The following TRPC7 variants were observed in gnomAD, a reference collection of about 807,000 sequenced individuals.
TRPC7 encodes short transient receptor potential channel 7.
In TRPC7, 42 loss-of-function variants were observed where a neutral mutation model predicts 90.1. The observed-to-expected ratio is 0.47, with a 90% confidence interval of 0.36 to 0.60. The LOEUF (loss-of-function observed/expected upper bound fraction) is 0.60. TRPC7 is among the 20% of genes least tolerant of loss of function. The pLI is 0.00. For synonymous variants in TRPC7, 451 were observed against 436.3 expected, an observed-to-expected ratio of 1.03 and a Z score of -0.42; for missense variants, 955 against 1,112.3, an observed-to-expected ratio of 0.86 and a Z score of 2.01.
intron 3 of TRPC7, among the ~76,000 whole-genome samples, chr5:136,310,787 C>G (rs1254265697): frequency 3.3e-5 from 5 of 152,086 alleles, no homozygotes; most frequent in African/African-American, 9.7e-5. Flanking sequence ...TATGAGACAC[C>G]TGTCCCATTT....
In TRPC7 at chr5:136,315,656, C is replaced by A. The variant is rs778454416; in HGVS notation, c.904G>T (p.Asp302Tyr). Residue 302 changes from aspartate (D) to tyrosine (Y), a missense_variant, in exon 3 of 12, where the codon GAC becomes TAC. By Grantham distance (160) the Asp-to-Tyr change is radical. Around this residue, in one of 4 missense-constraint regions of TRPC7, gnomAD observed 484 missense variants for 509.6 expected, o/e 0.95. Transcript: ENST00000513104. ...CGGCTCAGACTTGGACGGTGGTGGT[C>A]GGACCAGACTTGGAAGTTCACATCA... ...NGDVNFQVWS[D>Y]HHRPSLSRIK... 3.1e-6 allele frequency: 5 copies of A among 1,613,840 alleles called. No homozygotes were observed. The highest frequency in any genetic ancestry group is 4.2e-6 in the Non-Finnish European group (5 of 1,179,866).
chr5:136,360,609 T>G (rs1172891380), intron 1 of TRPC7, among the ~76,000 whole-genome samples: 1 of 152,206 alleles, frequency 6.6e-6, no homozygotes, highest in East Asian at 1.9e-4. Flanking sequence ...TCGCAGCCTT[T>G]AAAACCTCAG....
chr5:136,304,303 C>T (rs934192628), intron 3 of TRPC7, among the ~76,000 whole-genome samples: 2 of 152,104 alleles, frequency 1.3e-5, no homozygotes, highest in African/African-American at 4.8e-5. Context: ...TGCCAAGATC[C>T]CATCCCACAG....
chr5:136,332,909 T>C (rs1326444207), intron 2 of TRPC7, among the ~76,000 whole-genome samples: 2 of 152,168 alleles, frequency 1.3e-5, no homozygotes, highest in African/African-American at 4.8e-5. Context: ...GTTCTAAGCC[T>C]AGGTATTAAG....
rs148889749 is a variant in TRPC7, at chr5:136,255,315, T to C, written c.1346-3433A>G. On this transcript the variant is annotated intron_variant, in intron 5 of 11. Coordinates refer to ENST00000513104, the MANE Select transcript of TRPC7 (RefSeq NM_020389.3). ...AAGTTAATTGATGCAGTAAACTTTA[T>C]TGTCTTAAGAAATTGCCACGGCCAC... 6.0e-3 allele frequency among the ~76,000 whole-genome samples: 915 copies of C among 152,332 alleles called. 9 individuals carry two copies. Among genetic ancestry groups the C allele is most frequent in the African/African-American group, 0.02 (848 of 41,574 alleles).
chr5:136,298,428 A>G (rs1363955141), intron 3 of TRPC7, among the ~76,000 whole-genome samples: 1 of 152,196 alleles, frequency 6.6e-6, no homozygotes. Flanking sequence ...GCCATTGTTA[A>G]TAGTTGGATT....
intron 2 of TRPC7, among the ~76,000 whole-genome samples, chr5:136,330,049 G>A (rs1409931756): frequency 6.6e-6 from 1 of 152,070 alleles, no homozygotes; most frequent in East Asian, 1.9e-4. Context: ...CCTATAGGCC[G>A]TGACTCAGAG....
chr5:136,292,172 T>C (rs1757981466), intron 3 of TRPC7, among the ~76,000 whole-genome samples: 1 of 152,170 alleles, frequency 6.6e-6, no homozygotes. Context: ...TAGCACTAAA[T>C]GCCCAAAAGA....
intron 8 of TRPC7, among the ~76,000 whole-genome samples, chr5:136,228,708 C>A (rs936242554): frequency 7.2e-5 from 11 of 152,054 alleles, no homozygotes; most frequent in African/African-American, 2.2e-4. Context: ...ATCTACTGAC[C>A]CAATAAATTA....
chr5:136,321,542 G>T (rs952388103), intron 2 of TRPC7, among the ~76,000 whole-genome samples: 3 of 151,980 alleles, frequency 2.0e-5, no homozygotes, highest in African/African-American at 4.8e-5. Context: ...AAATGCTCAG[G>T]ATAGTTAATA....
At chr5:136,288,546 C>G (rs1405207189) in intron 3 of TRPC7, among the ~76,000 whole-genome samples, 2 of 151,552 alleles carry the variant, frequency 1.3e-5, no homozygotes, top group Non-Finnish European at 2.9e-5. Flanking sequence ...TTGTCCAGTA[C>G]TTACTATGTA....
intron 7 of TRPC7, among the ~76,000 whole-genome samples, chr5:136,242,497 G>A (rs2149801861): frequency 6.6e-6 from 1 of 152,296 alleles, no homozygotes; most frequent in South Asian, 2.1e-4. Context: ...CTATTAATAG[G>A]ATCTGACTTT....
Position 136,231,519 on chromosome 5 carries a change from C to G in TRPC7, c.1875G>C (p.Trp625Cys). 1 of 1,606,176 alleles carries G rather than the reference C, an allele frequency of 6.2e-7. No individual in the cohort carries two copies. The highest frequency in any genetic ancestry group is 8.5e-7 in the Non-Finnish European group (1 of 1,174,780). The change falls in exon 8 of 12, where the codon TGG (tryptophan) becomes TGC (cysteine). Residue 625 changes from tryptophan (W) to cysteine (C), a missense_variant. This residue lies in a region of TRPC7 where 296 missense variants were observed against 422.7 expected (regional missense o/e 0.70). Transcript: ENST00000513104. Reference protein sequence around the residue: ...TVEESFKTLFWSIFGLSEVIS... With the variant: ...TVEESFKTLFCSIFGLSEVIS... Reference sequence around the variant, plus strand: ...TTACTTCAGATAAGCCGAATATGGACCAAAACAAAGTTTTAAAACTTTCTT... The same window carrying G: ...TTACTTCAGATAAGCCGAATATGGAGCAAAACAAAGTTTTAAAACTTTCTT...
At chr5:136,358,040 A>T (rs556839806) in intron 1 of TRPC7, among the ~76,000 whole-genome samples, 1 of 152,150 alleles carries the variant, frequency 6.6e-6, no homozygotes. Flanking sequence ...CATGCATATC[A>T]CACGTGTCCG....
At chr5:136,337,521 C>G (rs1286415182) in intron 2 of TRPC7, among the ~76,000 whole-genome samples, 1 of 152,042 alleles carries the variant, frequency 6.6e-6, no homozygotes, top group Non-Finnish European at 1.5e-5. Context: ...CAAAAATTAG[C>G]TGGGTGTGGT....
At chr5:136,363,551 C>T (rs1171734380) in intron 1 of TRPC7, among the ~76,000 whole-genome samples, 1 of 152,102 alleles carries the variant, frequency 6.6e-6, no homozygotes, top group African/African-American at 2.4e-5. Flanking sequence ...TTAAATCCTA[C>T]AGGAAACAAG....
chr5:136,289,944 C>A (rs1757877831), intron 3 of TRPC7, among the ~76,000 whole-genome samples: 2 of 152,196 alleles, frequency 1.3e-5, no homozygotes, highest in Non-Finnish European at 2.9e-5. Flanking sequence ...TGAGACAAAA[C>A]TTCCAGAGGA....
At chr5:136,266,175 A>G in intron 5 of TRPC7, 45 bp downstream of exon 5, 1 of 1,515,148 alleles carries the variant, frequency 6.6e-7, no homozygotes, top group Non-Finnish European at 9.2e-7. Flanking sequence ...ATAATGTCCT[A>G]CTATAATTAG....
intron 2 of TRPC7, among the ~76,000 whole-genome samples, chr5:136,338,914 A>C (rs1759753785): frequency 6.6e-6 from 1 of 152,234 alleles, no homozygotes; most frequent in Non-Finnish European, 1.5e-5. Context: ...CTTGAAAAAA[A>C]ACCACAAAGA....
Sources: allele counts gnomAD v4.1 joint callset (sites outside exome capture counted in the v4.1 genomes callset), GRCh38; gene constraint gnomAD v4.1.1; regional missense constraint gnomAD v4.1.1; transcripts MANE v1.5; gene names NCBI Gene and HGNC (gene_info 2026-07-23, HGNC 2026-07-21).